The following CNBD1 variants were observed in gnomAD, a reference collection of about 807,000 sequenced individuals.
The protein encoded by CNBD1 is cyclic nucleotide-binding domain-containing protein 1.
In CNBD1, 71 loss-of-function variants were observed where a neutral mutation model predicts 54.4. The ratio of observed to expected loss-of-function variants is 1.30; its 90% confidence interval spans 1.08 to 1.59. CNBD1 has a LOEUF of 1.59. Ranked by LOEUF, CNBD1 falls within the 40% of genes most tolerant of loss-of-function variation. CNBD1 has a pLI of 0.00. For synonymous variants in CNBD1, 182 were observed against 170.7 expected, an observed-to-expected ratio of 1.07 and a Z score of -0.51; for missense variants, 659 against 518.0, an observed-to-expected ratio of 1.27 and a Z score of -2.64.
chr8:87,266,436 A>ATTTTTT (rs1712234748), intron 6 of CNBD1, among the ~76,000 whole-genome samples: 1 of 76,226 alleles, frequency 1.3e-5, no homozygotes, highest in Non-Finnish European at 3.1e-5. Flanking sequence ...AAAAAAAAAA[A>ATTTTTT]TCTTTTTTTT....
At chr8:87,402,085 G>A (rs899105242) in intron 2 of CNBD1, among the ~76,000 whole-genome samples, 4 of 152,050 alleles carry the variant, frequency 2.6e-5, no homozygotes, top group South Asian at 2.1e-4. Flanking sequence ...ATGGTGGAAG[G>A]TGAAGGAGGA....
chr8:87,187,966 T>C (rs987594988), intron 4 of CNBD1, among the ~76,000 whole-genome samples: 1 of 152,174 alleles, frequency 6.6e-6, no homozygotes, highest in Non-Finnish European at 1.5e-5. Flanking sequence ...TTATAATGCC[T>C]TCTAGGATTT....
intron 8 of CNBD1, among the ~76,000 whole-genome samples, chr8:87,287,528 G>C (rs1585985437): frequency 6.6e-6 from 1 of 152,256 alleles, no homozygotes; most frequent in East Asian, 1.9e-4. Context: ...TATAGTGAGG[G>C]ACATTTTTAA....
chr8:86,914,250 G>T lies in CNBD1; in HGVS notation c.272+9056G>T, dbSNP rs372252117. Among the ~76,000 whole-genome samples, 126 of 152,276 alleles carry T rather than the reference G, an allele frequency of 8.3e-4. 1 individual carries two copies. Among genetic ancestry groups the T allele is most frequent in the African/African-American group, 3.0e-3 (123 of 41,562 alleles). ...AAGACAGACATAGGAAATCACAAGAGTATTGATTGGGGAAGTGATGAATGT... is the reference window on the plus strand; with the variant it reads ...AAGACAGACATAGGAAATCACAAGATTATTGATTGGGGAAGTGATGAATGT... On this transcript the variant is annotated intron_variant, in intron 3 of 10. Transcript: ENST00000518476.
chr8:86,983,940 A>G lies in CNBD1; in HGVS notation c.431+44186A>G, dbSNP rs1808546017. Among the ~76,000 whole-genome samples the G allele has an allele frequency of 2.0e-5, 3 of 152,310 alleles. No homozygotes were observed. The South Asian group carries it at 6.2e-4, about 32-fold the overall frequency. ...AAATGTGCCTAGTAATGAGAGGTTT[A>G]GCATTTGTTCATCACCAAAACAATG... is the stretch of plus-strand genomic sequence containing the variant. On this transcript the variant is annotated intron_variant, in intron 4 of 10. Coordinates refer to ENST00000518476, the MANE Select transcript of CNBD1 (RefSeq NM_173538.3).
At chr8:86,962,932 A>G (rs1415673356) in intron 4 of CNBD1, among the ~76,000 whole-genome samples, 1 of 152,132 alleles carries the variant, frequency 6.6e-6, no homozygotes, top group Non-Finnish European at 1.5e-5. Context: ...TGAAGGGGAA[A>G]AAGCTATTTT....
chr8:87,025,803 T>C (rs1809631069), intron 4 of CNBD1, among the ~76,000 whole-genome samples: 1 of 152,046 alleles, frequency 6.6e-6, no homozygotes, highest in African/African-American at 2.4e-5. Context: ...GGACACACCA[T>C]CTTTAAGAAC....
At chr8:87,284,636 T>C (rs2130869757) in intron 6 of CNBD1, 42 bp from the exon 7 acceptor site, 1 of 1,536,790 alleles carries the variant, frequency 6.5e-7, no homozygotes, top group Admixed American at 2.0e-5. Context: ...TTCATGTTGA[T>C]GAGTGGTAAT....
chr8:86,990,363 G>A (rs1808718564), intron 4 of CNBD1, among the ~76,000 whole-genome samples: 2 of 152,040 alleles, frequency 1.3e-5, no homozygotes, highest in African/African-American at 4.8e-5. Context: ...CATTTTGATT[G>A]GTTTTTGTTT....
chr8:86,877,044 A>G (rs182441766), intron 1 of CNBD1, among the ~76,000 whole-genome samples: 77 of 152,190 alleles, frequency 5.1e-4, no homozygotes, highest in Non-Finnish European at 9.0e-4. Flanking sequence ...ATAACCTAGT[A>G]TGAAATGAGA....
chr8:87,188,988 T>G (rs989185013), intron 4 of CNBD1, among the ~76,000 whole-genome samples: 2 of 149,600 alleles, frequency 1.3e-5, no homozygotes, highest in African/African-American at 4.9e-5. Context: ...ATGGTGTTCG[T>G]TTTTTTTTCA....
At chr8:87,303,615 A>G (rs1160379141) in intron 8 of CNBD1, among the ~76,000 whole-genome samples, 2 of 150,970 alleles carry the variant, frequency 1.3e-5, no homozygotes, top group African/African-American at 5.0e-5. Flanking sequence ...AGCAATGACA[A>G]CAAAAGCCAA....
intron 8 of CNBD1, among the ~76,000 whole-genome samples, chr8:87,321,057 A>C (rs190512447): frequency 2.8e-4 from 42 of 150,816 alleles, no homozygotes; most frequent in Non-Finnish European, 5.8e-4. Context: ...TTATTTATAG[A>C]TGAATTACCA....
At chr8:87,356,223 T>A (rs1810417145) in intron 10 of CNBD1, among the ~76,000 whole-genome samples, 1 of 152,096 alleles carries the variant, frequency 6.6e-6, no homozygotes, top group Non-Finnish European at 1.5e-5. Context: ...TAAAGATACA[T>A]GAAAATGGGA....
In CNBD1 at chr8:87,206,037, T is replaced by G. The variant is rs1434268621; in HGVS notation, c.476T>G (p.Phe159Cys). Residue 159 changes from phenylalanine (F) to cysteine (C), a missense_variant, in exon 5 of 11, where the codon TTC (phenylalanine) becomes TGC (cysteine). By Grantham distance (205) the Phe-to-Cys change is radical. Transcript: ENST00000518476. Reference protein sequence around the residue: ...TPYEHKTVWKFLKTIPDLTFQ... With the variant: ...TPYEHKTVWKCLKTIPDLTFQ... ...TATGAACACAAAACTGTGTGGAAGT[T>G]CCTGAAAACAATTCCAGATTTAACC... is the stretch of plus-strand genomic sequence containing the variant. 6.2e-7 allele frequency: 1 copy of G among 1,600,676 alleles called. No homozygotes were observed. The highest frequency in any genetic ancestry group is 8.5e-7 in the Non-Finnish European group (1 of 1,173,628).
intron 8 of CNBD1, among the ~76,000 whole-genome samples, chr8:87,299,102 G>C (rs1808937236): frequency 6.6e-6 from 1 of 152,190 alleles, no homozygotes; most frequent in Non-Finnish European, 1.5e-5. Flanking sequence ...GGAAAAGTCT[G>C]AAGCAACTGC....
At chr8:87,408,663 G>A (rs1344621343) in intron 2 of CNBD1, among the ~76,000 whole-genome samples, 1 of 151,958 alleles carries the variant, frequency 6.6e-6, no homozygotes, top group Non-Finnish European at 1.5e-5. Context: ...ATTAGAGGTT[G>A]GTGACAGCCC....
intron 4 of CNBD1, among the ~76,000 whole-genome samples, chr8:87,177,805 T>C (rs1169740983): frequency 6.6e-6 from 1 of 152,232 alleles, no homozygotes; most frequent in Non-Finnish European, 1.5e-5. Context: ...AATGTTTTAA[T>C]GTAGAAGAAT....
chr8:87,068,343 GT>G (rs147924824), intron 4 of CNBD1, among the ~76,000 whole-genome samples: 1 of 151,904 alleles, frequency 6.6e-6, no homozygotes, highest in Non-Finnish European at 1.5e-5. Flanking sequence ...ATACTGTTTT[GT>G]TTTTTCATTT....
Sources: allele counts gnomAD v4.1 joint callset (sites outside exome capture counted in the v4.1 genomes callset), GRCh38; gene constraint gnomAD v4.1.1; transcripts MANE v1.5; gene names NCBI Gene and HGNC (gene_info 2026-07-23, HGNC 2026-07-21).